Variants in TAF4B observed in about 807,000 individuals in gnomAD.
The protein encoded by TAF4B is TATA-box binding protein associated factor 4b.
In TAF4B, 38 loss-of-function variants were observed where a neutral mutation model predicts 86.4. That is an observed-to-expected ratio of 0.44 (90% confidence interval 0.34 to 0.58). The LOEUF (loss-of-function observed/expected upper bound fraction) is 0.58, where lower values mean the gene tolerates loss of function less well. TAF4B is among the 20% of genes least tolerant of loss of function. TAF4B has a pLI of 0.02. For synonymous variants in TAF4B, 388 were observed against 391.2 expected, an observed-to-expected ratio of 0.99 and a Z score of 0.10; for missense variants, 988 against 1,027.6, an observed-to-expected ratio of 0.96 and a Z score of 0.53.
At chr18:26,257,121 T>C (rs2056096652) in intron 1 of TAF4B, among the ~76,000 whole-genome samples, 1 of 152,220 alleles carries the variant, frequency 6.6e-6, no homozygotes, top group South Asian at 2.1e-4. Flanking sequence ...TTATAGTTTT[T>C]TCAAGTGGTT....
chr18:26,311,482 A>G (rs1171285576), intron 9 of TAF4B, among the ~76,000 whole-genome samples: 3 of 152,148 alleles, frequency 2.0e-5, no homozygotes, highest in Non-Finnish European at 4.4e-5. Flanking sequence ...TAAAAAAAAT[A>G]CAAAAATTAG....
Position 26,226,972 on chromosome 18 carries a change from C to T in TAF4B, c.39C>T (p.Pro13=). Residue 13 remains proline (P), a synonymous_variant, in exon 1 of 15, where the codon CCC becomes CCT. Coordinates refer to ENST00000269142, the MANE Select transcript of TAF4B (RefSeq NM_005640.3). ...AGLTEPAGAA[P]PAAVSASGTV... is the part of the protein sequence containing the mutation. ...TCACCGAACCCGCCGGCGCCGCTCC[C>T]CCGGCTGCTGTGAGCGCCTCGGGGA... The T allele has an allele frequency of 1.4e-6, 2 of 1,388,186 alleles. No homozygotes were observed. The highest frequency in any genetic ancestry group is 1.8e-6 in the Non-Finnish European group (2 of 1,082,014). 86.0% of individuals were successfully genotyped at this position (1,388,186 alleles called of 1,614,324 possible).
At chr18:26,293,631 C>T (rs1383262816) in intron 9 of TAF4B, 100 bp downstream of exon 9, 1 of 653,648 alleles carries the variant, frequency 1.5e-6, no homozygotes, top group Non-Finnish European at 2.5e-6. Flanking sequence ...ATACTGATGC[C>T]TTTTTACAAA....
intron 10 of TAF4B, among the ~76,000 whole-genome samples, chr18:26,316,837 T>C (rs994165621): frequency 6.6e-6 from 1 of 152,216 alleles, no homozygotes; most frequent in African/African-American, 2.4e-5. Flanking sequence ...TTCCATTTTC[T>C]TTTTTGCATA....
intron 13 of TAF4B, among the ~76,000 whole-genome samples, chr18:26,342,076 A>G (rs549012320): frequency 1.3e-5 from 2 of 152,286 alleles, no homozygotes; most frequent in Non-Finnish European, 2.9e-5. Flanking sequence ...ACTATTTAAA[A>G]CATTTCCATT....
At chr18:26,294,435 G>C (rs1403690963) in intron 9 of TAF4B, among the ~76,000 whole-genome samples, 2 of 151,636 alleles carry the variant, frequency 1.3e-5, no homozygotes, top group Non-Finnish European at 2.9e-5. Flanking sequence ...GGTGAAGTGT[G>C]TGTTCAAATT....
intron 1 of TAF4B, chr18:26,256,448 T>A: frequency 1.4e-6 from 1 of 731,352 alleles, no homozygotes; most frequent in Non-Finnish European, 2.4e-6. Flanking sequence ...CCAGTCCCCC[T>A]CAAGCACTCC....
At chr18:26,308,879 CAAAA>C (rs71169847) in intron 9 of TAF4B, among the ~76,000 whole-genome samples, 3 of 80,346 alleles carry the variant, frequency 3.7e-5, no homozygotes, top group African/African-American at 1.5e-4. Flanking sequence ...GACTCTGTCT[CAAAA>C]AAAAAAAAAA....
At chr18:26,287,891 C>G (rs550278220) in intron 7 of TAF4B, among the ~76,000 whole-genome samples, 244 of 152,324 alleles carry the variant, frequency 1.6e-3, no homozygotes, top group African/African-American at 5.5e-3. Context: ...AAATGATGGT[C>G]ATTTCCTGGG....
intron 12 of TAF4B, among the ~76,000 whole-genome samples, chr18:26,334,513 C>G (rs1400343808): frequency 6.6e-6 from 1 of 152,124 alleles, no homozygotes; most frequent in Non-Finnish European, 1.5e-5. Context: ...ACCCTTTGTT[C>G]CATCATAGCT....
intron 3 of TAF4B, among the ~76,000 whole-genome samples, chr18:26,273,561 A>G (rs1326413256): frequency 6.6e-6 from 1 of 152,162 alleles, no homozygotes; most frequent in Non-Finnish European, 1.5e-5. Context: ...TCCTGTTTGT[A>G]AAGAAAATTT....
At chr18:26,338,526 T>C (rs1240883027) in intron 13 of TAF4B, among the ~76,000 whole-genome samples, 1 of 136,108 alleles carries the variant, frequency 7.3e-6, no homozygotes, top group African/African-American at 2.8e-5. Flanking sequence ...TTGCCCAGGC[T>C]GGAGTGCAAT....
At chr18:26,293,609 A>T (rs1246614192) in intron 9 of TAF4B, 78 bp downstream of exon 9, 1 of 835,592 alleles carries the variant, frequency 1.2e-6, no homozygotes, top group Non-Finnish European at 1.8e-6. Context: ...ATAATACCTT[A>T]CTAAAATAGA....
chr18:26,286,025 C>T lies in TAF4B; in HGVS notation c.1116C>T (p.Ser372=). 1.2e-6 allele frequency: 2 copies of T among 1,614,212 alleles called. No homozygotes were observed. Among genetic ancestry groups the T allele is most frequent in the Non-Finnish European group, 8.5e-7 (1 of 1,180,040 alleles). The change falls in exon 7 of 15, where the codon TCC becomes TCT. Residue 372 remains serine, a synonymous_variant. Transcript: ENST00000269142. ...TTSPVVTTTV[S]SSQSEKSIIV... ...CTCCTGTGGTGACAACTACAGTGTCCTCAAGCCAGTCTGAAAAGTCAATTA... is the reference window on the plus strand; with the variant it reads ...CTCCTGTGGTGACAACTACAGTGTCTTCAAGCCAGTCTGAAAAGTCAATTA...
At chr18:26,301,849 G>T (rs2144635405) in intron 9 of TAF4B, among the ~76,000 whole-genome samples, 1 of 152,202 alleles carries the variant, frequency 6.6e-6, no homozygotes, top group East Asian at 1.9e-4. Context: ...CTAATGCTCT[G>T]TTGGCTTTTC....
chr18:26,287,875 G>A (rs974557329), intron 7 of TAF4B, among the ~76,000 whole-genome samples: 9 of 152,218 alleles, frequency 5.9e-5, no homozygotes, highest in African/African-American at 2.2e-4. Flanking sequence ...AGACTCTTGA[G>A]CAGATAAATG....
At position 26,337,196 on chromosome 18, in the gene TAF4B, A is replaced by G. The variant is rs564150431; in HGVS notation, c.2316+1965A>G. On this transcript the variant is annotated intron_variant, in intron 13 of 14. Coordinates refer to ENST00000269142, the MANE Select transcript of TAF4B (RefSeq NM_005640.3). ...CTATCATAAATCCTCTTTGATCAAA[A>G]AAATGAATCAAATACATTGGCCTCT... 3.3e-5 allele frequency among the ~76,000 whole-genome samples: 5 copies of G among 152,346 alleles called. No individual in the cohort carries two copies. The East Asian group carries it at 7.7e-4, about 23-fold the overall frequency.
chr18:26,294,670 T>C (rs1473315298), intron 9 of TAF4B, among the ~76,000 whole-genome samples: 1 of 149,562 alleles, frequency 6.7e-6, no homozygotes, highest in South Asian at 2.1e-4. Flanking sequence ...TTTATGAATA[T>C]TTATATTAAA....
intron 12 of TAF4B, among the ~76,000 whole-genome samples, chr18:26,328,553 TCA>T (rs555836578): frequency 1.2e-4 from 19 of 152,328 alleles, no homozygotes; most frequent in African/African-American, 4.3e-4. Flanking sequence ...CAAAGTACTC[TCA>T]GTCCCCTTTC....
Sources: allele counts gnomAD v4.1 joint callset (sites outside exome capture counted in the v4.1 genomes callset), GRCh38; gene constraint gnomAD v4.1.1; transcripts MANE v1.5; gene names NCBI Gene and HGNC (gene_info 2026-07-23, HGNC 2026-07-21).